Variants in CACNA1B observed in about 807,000 individuals in gnomAD.
CACNA1B encodes calcium voltage-gated channel subunit alpha1 B.
CACNA1B carries 70 observed loss-of-function variants against 247.2 expected under a neutral mutation model. The ratio of observed to expected loss-of-function variants is 0.28; its 90% CI spans 0.23 to 0.35. CACNA1B has a LOEUF of 0.35. CACNA1B is among the 10% of genes least tolerant of loss of function. The pLI, the probability that CACNA1B is intolerant of heterozygous loss-of-function variation, is 1.00. For missense variants in CACNA1B, 2,367 were observed against 3,197.4 expected, an observed-to-expected ratio of 0.74 and a Z score of 6.26; for synonymous variants, 1,231 against 1,294.4, an observed-to-expected ratio of 0.95 and a Z score of 1.05.
chr9:138,098,980 C>T (rs1961150564), intron 37 of CACNA1B, among the ~76,000 whole-genome samples: 1 of 152,226 alleles, frequency 6.6e-6, no homozygotes, highest in African/African-American at 2.4e-5. Context: ...CACAGGGCAC[C>T]TTGAGCCTTT....
intron 6 of CACNA1B, among the ~76,000 whole-genome samples, chr9:137,949,063 GTGTGTAGTGTGTGTGGTGTGTGTGTGGT>G: frequency 3.5e-5 from 4 of 114,654 alleles, no homozygotes; most frequent in African/African-American, 3.3e-5. Context: ...TGTGAAGTAT[GTGTGTAGTGTGTGTGGTGTGTGTGTGGT>G]GTGTGCATGT....
At chr9:138,093,682 G>A (rs995262772) in intron 36 of CACNA1B, among the ~76,000 whole-genome samples, 1 of 151,842 alleles carries the variant, frequency 6.6e-6, no homozygotes, top group Non-Finnish European at 1.5e-5. Flanking sequence ...GGAGGCTGCA[G>A]TGACCTGAGA....
rs1324657644 is a variant in CACNA1B at position 137,887,288 on chromosome 9, T to TG, written c.530+4408dup. On this transcript the variant is annotated intron_variant, in intron 3 of 46. Transcript: ENST00000371372. Reference sequence around the variant, plus strand: ...GGGAATGGGAGGAGAGGGGTTGTGGTGGGCACCTGTAGGCAATGCTTGTCT... The same window carrying TG: ...GGGAATGGGAGGAGAGGGGTTGTGGTGGGGCACCTGTAGGCAATGCTTGTCT... Among the ~76,000 whole-genome samples, 4 of 144,038 alleles carry TG rather than the reference T, an allele frequency of 2.8e-5. No individual in the cohort carries two copies. The East Asian group carries it at 8.5e-4, about 31-fold the overall frequency. The allele number at this position is 144,038 out of a possible 152,430, so 94.5% of individuals were successfully genotyped here. A position where few individuals can be genotyped will look rare whatever the true frequency, so the allele number is the denominator to read the frequency against.
At chr9:138,053,777 C>T (rs1445894562) in intron 25 of CACNA1B, 69 bp from the exon 26 acceptor site, 13 of 908,194 alleles carry the variant, frequency 1.4e-5, no homozygotes, top group Middle Eastern at 2.5e-4. Flanking sequence ...CCCTACCCTT[C>T]CCCCTCATGG....
Position 138,007,897 on chromosome 9 carries a change from G to C in CACNA1B, c.2092+1013G>C, listed in dbSNP as rs1958673863. The stretch of plus-strand genomic sequence containing the variant: ...TGCCTCACTGGTGCCGGTGCCCTCA[G>C]TGCCCTTGCAGACTTCACCTTCTTT... On this transcript the variant is annotated intron_variant, in intron 16 of 46. Transcript: ENST00000371372. The surrounding 1 kb of genome is among the most constrained non-coding windows in gnomAD (Gnocchi z 4.1). Among the ~76,000 whole-genome samples, 1 of 152,200 alleles carries C rather than the reference G, an allele frequency of 6.6e-6. No individual in the cohort carries two copies. Among genetic ancestry groups the C allele is most frequent in the Non-Finnish European group, 1.5e-5 (1 of 68,028 alleles).
rs539169208 is a variant in CACNA1B, at chr9:137,964,879, T to C, written c.1334-6504T>C. On this transcript the variant is annotated intron_variant, in intron 10 of 46. Transcript: ENST00000371372. ...GGTTGCTGACCTTTGGATGGGGTTTTTGTGTTTTGTTGTTGTTGTTGTTTT... is the reference window on the plus strand; with the variant it reads ...GGTTGCTGACCTTTGGATGGGGTTTCTGTGTTTTGTTGTTGTTGTTGTTTT... Among the ~76,000 whole-genome samples the C allele has an allele frequency of 5.9e-5, 9 of 152,320 alleles. No homozygotes were observed. In the South Asian group the frequency reaches 1.9e-3, roughly 32 times the overall value.
Position 137,917,446 on chromosome 9 carries a change from G to A in CACNA1B, c.966+15G>A, listed in dbSNP as rs1434628412. On this transcript the variant is annotated intron_variant, in intron 6 of 46. Transcript: ENST00000371372. The surrounding 1 kb of genome is among the most constrained non-coding windows in gnomAD (Gnocchi z 5.5). ...TCCTCTATAATGTGAGTGGCGTCTT[G>A]GCCCTGGGCCTGAGGGCAGGCCCTG... The A allele has an allele frequency of 6.2e-7, 1 of 1,609,672 alleles. No individual in the cohort carries two copies. Among genetic ancestry groups the A allele is most frequent in the Admixed American group, 1.7e-5 (1 of 59,836 alleles).
At chr9:138,042,155 ATT>A (rs758913020) in intron 20 of CACNA1B, among the ~76,000 whole-genome samples, 5 of 152,136 alleles carry the variant, frequency 3.3e-5, no homozygotes, top group Non-Finnish European at 7.3e-5. Context: ...GCATTTTATA[ATT>A]TTTGTTATTG....
At chr9:138,034,956 A>G (rs1468461583) in intron 20 of CACNA1B, among the ~76,000 whole-genome samples, 1 of 152,214 alleles carries the variant, frequency 6.6e-6, no homozygotes, top group Non-Finnish European at 1.5e-5. Context: ...AGCCAACCTC[A>G]TAACCCAGAT....
intron 6 of CACNA1B, among the ~76,000 whole-genome samples, chr9:137,951,868 C>T (rs2133337034): frequency 6.6e-6 from 1 of 152,322 alleles, no homozygotes; most frequent in African/African-American, 2.4e-5. Flanking sequence ...GGGCCCCCTT[C>T]AGGAGGACAT....
At chr9:137,892,615 G>A (rs1957118632) in intron 3 of CACNA1B, 2 of 350,952 alleles carry the variant, frequency 5.7e-6, no homozygotes, top group Non-Finnish European at 1.1e-5. Context: ...GACCAGGTGA[G>A]GAGGAGGGGC....
chr9:138,069,652 A>G (rs1960049490), intron 31 of CACNA1B, 106 bp from the exon 32 acceptor site: 5 of 814,540 alleles, frequency 6.1e-6, no homozygotes, highest in Non-Finnish European at 1.1e-5. Context: ...ACCAACATAC[A>G]ATGCGAAAAC....
chr9:138,037,929 A>G (rs913909437), intron 20 of CACNA1B, among the ~76,000 whole-genome samples: 5 of 152,228 alleles, frequency 3.3e-5, no homozygotes, highest in African/African-American at 1.2e-4. Flanking sequence ...TGGTGAATTT[A>G]TAATTTCATG....
intron 6 of CACNA1B, among the ~76,000 whole-genome samples, chr9:137,934,462 G>C (rs569673120): frequency 7.9e-5 from 12 of 152,336 alleles, no homozygotes; most frequent in Admixed American, 5.2e-4. Context: ...CGGATGGCCA[G>C]AGCAGCCTGT....
intron 31 of CACNA1B, among the ~76,000 whole-genome samples, chr9:138,066,503 G>A (rs533351208): frequency 6.6e-6 from 1 of 152,256 alleles, no homozygotes; most frequent in East Asian, 1.9e-4. Context: ...AGAGGGGGAA[G>A]GAGAGAGACA....
chr9:138,067,318 C>T (rs1346286910), intron 31 of CACNA1B, among the ~76,000 whole-genome samples: 1 of 152,238 alleles, frequency 6.6e-6, no homozygotes, highest in Non-Finnish European at 1.5e-5. Flanking sequence ...GATCATTCCA[C>T]TCTTAAACAG....
rs540233764 is a variant in CACNA1B at position 137,913,347 on chromosome 9, A to G, written c.622+76A>G. On this transcript the variant is annotated intron_variant, in intron 4 of 46. Coordinates refer to ENST00000371372, the MANE Select transcript of CACNA1B (RefSeq NM_000718.4). The surrounding 1 kb of genome is among the most constrained non-coding windows in gnomAD (Gnocchi z 5.2). ...TCCTACCCTCACCACGGACATGGCC[A>G]TGGCCATGGTTTGGCTTTGGTGACT... The G allele has an allele frequency of 1.1e-4, 130 of 1,167,954 alleles. No homozygotes were observed. The highest frequency in any genetic ancestry group is 1.5e-4 in the Non-Finnish European group (116 of 793,630). The allele number at this position is 1,167,954 out of a possible 1,614,324, so 72.3% of individuals were successfully genotyped here. A position where few individuals can be genotyped will look rare whatever the true frequency, so the allele number is the denominator to read the frequency against.
In CACNA1B at chr9:138,073,451, C is replaced by T. The variant is rs1409462518; in HGVS notation, c.4675-37C>T. The stretch of plus-strand genomic sequence containing the variant: ...CAGCAGCTTGCCTGCGCTTTCGGGG[C>T]TTCTGAAGGTCAGAGAACAATTCCT... On this transcript the variant is annotated intron_variant, in intron 32 of 46. Transcript: ENST00000371372. The surrounding 1 kb of genome is among the most constrained non-coding windows in gnomAD (Gnocchi z 6.4). 7.5e-7 allele frequency: 1 copy of T among 1,341,302 alleles called. No individual in the cohort carries two copies. Among genetic ancestry groups the T allele is most frequent in the Admixed American group, 1.7e-5 (1 of 59,428 alleles). 83.1% of individuals were successfully genotyped at this position (1,341,302 alleles called of 1,614,324 possible). A position where few individuals can be genotyped will look rare whatever the true frequency, so the allele number is the denominator to read the frequency against.
At position 137,955,467 on chromosome 9, in the gene CACNA1B, G is replaced by A. The variant is rs1475025976; in HGVS notation, c.1071-231G>A. 6.6e-6 allele frequency among the ~76,000 whole-genome samples: 1 copy of A among 152,240 alleles called. No homozygotes were observed. Among genetic ancestry groups the A allele is most frequent in the Admixed American group, 6.5e-5 (1 of 15,292 alleles). Reference sequence around the variant, plus strand: ...GGAGTCTGAGGATGGAGGGCCACCTGGGCTGCTCATGGAGGCCCTCTGGGT... The same window carrying A: ...GGAGTCTGAGGATGGAGGGCCACCTAGGCTGCTCATGGAGGCCCTCTGGGT... On this transcript the variant is annotated intron_variant, in intron 7 of 46. Transcript: ENST00000371372. This position sits in a 1 kb window ranked among gnomAD's most constrained non-coding sequence, Gnocchi z 6.9.
Sources: allele counts gnomAD v4.1 joint callset (sites outside exome capture counted in the v4.1 genomes callset), GRCh38; gene constraint gnomAD v4.1.1; non-coding constraint Gnocchi (gnomAD v3.1); transcripts MANE v1.5; gene names NCBI Gene and HGNC (gene_info 2026-07-23, HGNC 2026-07-21).